The following NRXN3 variants were observed in gnomAD, a reference collection of about 807,000 sequenced individuals.
NRXN3 encodes the protein neurexin III.
NRXN3 carries 32 observed loss-of-function variants against 137.6 expected under a neutral mutation model. The ratio of observed to expected loss-of-function variants is 0.23; its 90% CI spans 0.18 to 0.31. The LOEUF is 0.31. NRXN3 is among the 10% of genes least tolerant of loss of function. The pLI, the probability that NRXN3 is intolerant of heterozygous loss-of-function variation, is 1.00. For missense variants in NRXN3, 1,574 were observed against 2,062.5 expected (o/e 0.76, Z 4.59); for synonymous variants, 798 against 784.5 (o/e 1.02, Z -0.29).
At chr14:79,666,959 G>T (rs2098561229) in intron 17 of NRXN3, among the ~76,000 whole-genome samples, 2 of 151,920 alleles carry the variant, frequency 1.3e-5, no homozygotes, top group African/African-American at 4.8e-5. Flanking sequence ...CTAGATCGAG[G>T]TTTATGTTCC....
chr14:79,069,228 C>G (rs1440291233), intron 15 of NRXN3, among the ~76,000 whole-genome samples: 1 of 152,100 alleles, frequency 6.6e-6, no homozygotes, highest in Non-Finnish European at 1.5e-5. Context: ...CTGACCATCT[C>G]TTTTCTATCA....
At chr14:78,519,956 T>C (rs2096263649) in intron 4 of NRXN3, among the ~76,000 whole-genome samples, 1 of 152,190 alleles carries the variant, frequency 6.6e-6, no homozygotes, top group South Asian at 2.1e-4. Flanking sequence ...TAAAGTTTAT[T>C]GAATTAAGTC....
chr14:79,271,076 AGAC>A (rs1438043613), intron 15 of NRXN3, among the ~76,000 whole-genome samples: 2 of 152,210 alleles, frequency 1.3e-5, no homozygotes, highest in Non-Finnish European at 2.9e-5. Context: ...TATCTATCTT[AGAC>A]GATGTACTTT....
intron 18 of NRXN3, among the ~76,000 whole-genome samples, chr14:79,695,450 T>A (rs1384170267): frequency 6.6e-6 from 1 of 151,960 alleles, no homozygotes; most frequent in Non-Finnish European, 1.5e-5. Flanking sequence ...GCATGGAAAG[T>A]ATCTCTTGGC....
rs570290514 is a variant in NRXN3, at chr14:78,190,611, A to G, written c.-704+19937A>G. On this transcript the variant is annotated intron_variant, in intron 1 of 20. Coordinates refer to ENST00000335750, the MANE Select transcript of NRXN3 (RefSeq NM_001330195.2). Reference sequence around the variant, plus strand: ...GAAGAATGCAGCTTGTGTCAGTAACATTTATTTATTTATTTATTTATTTAT... The same window carrying G: ...GAAGAATGCAGCTTGTGTCAGTAACGTTTATTTATTTATTTATTTATTTAT... Among the ~76,000 whole-genome samples the G allele has an allele frequency of 3.5e-5, 3 of 86,156 alleles. No homozygotes were observed. The South Asian group carries it at 1.2e-3, about 35-fold the overall frequency. The allele number at this position is 86,156 out of a possible 152,430, so 56.5% of individuals were successfully genotyped here.
At chr14:79,094,246 C>T (rs1323825878) in intron 15 of NRXN3, among the ~76,000 whole-genome samples, 1 of 152,158 alleles carries the variant, frequency 6.6e-6, no homozygotes, top group South Asian at 2.1e-4. Context: ...CCTGAATTGC[C>T]TACCGTGGCT....
intron 16 of NRXN3, among the ~76,000 whole-genome samples, chr14:79,510,659 C>T (rs997736194): frequency 6.6e-6 from 1 of 152,158 alleles, no homozygotes; most frequent in African/African-American, 2.4e-5. Context: ...GATTTAGAGA[C>T]ACTTCCATCT....
At chr14:79,041,304 G>A (rs1482096734) in intron 15 of NRXN3, among the ~76,000 whole-genome samples, 1 of 152,118 alleles carries the variant, frequency 6.6e-6, no homozygotes, top group East Asian at 1.9e-4. Flanking sequence ...ATGGTTTTTA[G>A]CAGGTACTTT....
intron 15 of NRXN3, among the ~76,000 whole-genome samples, chr14:79,304,028 A>G (rs1361270145): frequency 6.6e-6 from 1 of 152,110 alleles, no homozygotes. Flanking sequence ...TACAATTATC[A>G]TCTCACATAA....
At chr14:79,802,643 T>G (rs2099186306) in intron 19 of NRXN3, among the ~76,000 whole-genome samples, 1 of 152,172 alleles carries the variant, frequency 6.6e-6, no homozygotes, top group African/African-American at 2.4e-5. Flanking sequence ...TGTTTTCCTC[T>G]TATAATTGCC....
intron 4 of NRXN3, among the ~76,000 whole-genome samples, chr14:78,416,233 C>T (rs1567529443): frequency 6.6e-6 from 1 of 152,078 alleles, no homozygotes; most frequent in Non-Finnish European, 1.5e-5. Flanking sequence ...AAGTTTAATT[C>T]TTACTGTTCT....
intron 4 of NRXN3, among the ~76,000 whole-genome samples, chr14:78,574,177 C>T (rs1404642799): frequency 2.0e-5 from 3 of 152,234 alleles, no homozygotes. Context: ...ATGGGAATGC[C>T]TGGATATCCA....
chr14:78,435,770 G>A (rs760210234), intron 4 of NRXN3, among the ~76,000 whole-genome samples: 2 of 152,064 alleles, frequency 1.3e-5, no homozygotes, highest in Non-Finnish European at 2.9e-5. Flanking sequence ...GTCACACATC[G>A]ACGTCCAGGG....
chr14:79,328,983 G>A (rs2153307218), intron 15 of NRXN3, among the ~76,000 whole-genome samples: 1 of 152,266 alleles, frequency 6.6e-6, no homozygotes, highest in East Asian at 1.9e-4. Flanking sequence ...CAGCTGAGGT[G>A]GTTGGTCAAT....
At chr14:79,858,657 C>A (rs932881462) in intron 20 of NRXN3, among the ~76,000 whole-genome samples, 2 of 152,048 alleles carry the variant, frequency 1.3e-5, no homozygotes, top group Non-Finnish European at 2.9e-5. Context: ...AAAATCCTGC[C>A]TTGTCCTCTG....
chr14:78,218,372 A>G (rs995052928), intron 1 of NRXN3, among the ~76,000 whole-genome samples: 1 of 151,902 alleles, frequency 6.6e-6, no homozygotes, highest in Non-Finnish European at 1.5e-5. Context: ...TTTTTTTCCC[A>G]AAGTCTTTAC....
chr14:78,297,764 G>T, intron 3 of NRXN3, 67 bp from the exon 4 acceptor site: 1 of 1,211,456 alleles, frequency 8.3e-7, no homozygotes, highest in African/African-American at 1.5e-5. Context: ...TTTTAACTTT[G>T]TCTTCTTTCT....
At chr14:79,153,166 C>T (rs1035435186) in intron 15 of NRXN3, among the ~76,000 whole-genome samples, 3 of 151,860 alleles carry the variant, frequency 2.0e-5, no homozygotes, top group African/African-American at 7.3e-5. Flanking sequence ...TGATTATCTC[C>T]CCAACATGAG....
intron 4 of NRXN3, among the ~76,000 whole-genome samples, chr14:78,368,490 G>C (rs1486546105): frequency 6.6e-6 from 1 of 152,148 alleles, no homozygotes; most frequent in East Asian, 1.9e-4. Context: ...GTGGGAGTTC[G>C]AGAACAGCCT....
Sources: allele counts gnomAD v4.1 joint callset (sites outside exome capture counted in the v4.1 genomes callset), GRCh38; gene constraint gnomAD v4.1.1; transcripts MANE v1.5; gene names NCBI Gene and HGNC (gene_info 2026-07-23, HGNC 2026-07-21).